Variants in GUCY2F observed in about 807,000 individuals in gnomAD.
GUCY2F encodes the protein guanylate cyclase 2F, retinal.
Under a neutral mutation model 73.1 loss-of-function variants are expected in GUCY2F, and 61 were observed. That is an observed-to-expected ratio of 0.83 (90% CI 0.68 to 1.03). The LOEUF is 1.03. GUCY2F is among the 50% of genes least tolerant of loss of function. The pLI, the probability that GUCY2F is intolerant of heterozygous loss-of-function variation, is 0.00. For synonymous variants in GUCY2F, 331 were observed against 307.8 expected (o/e 1.08, Z -0.79); for missense variants, 912 against 854.3 (o/e 1.07, Z -0.84).
chrX:109,435,200 C>G (rs1414211830), intron 7 of GUCY2F, among the ~76,000 whole-genome samples: 1 of 111,133 alleles, frequency 9.0e-6, no homozygotes, highest in African/African-American at 3.3e-5. Flanking sequence ...GGCATTGAAT[C>G]TATAAATTAC....
intron 7 of GUCY2F, among the ~76,000 whole-genome samples, chrX:109,440,407 A>G (rs1931842002): frequency 8.9e-6 from 1 of 112,210 alleles, no homozygotes; most frequent in Non-Finnish European, 1.9e-5. Context: ...TTAAGTTTCA[A>G]CACCTGAATT....
Position 109,388,585 on chromosome X carries a change from C to T in GUCY2F, c.2860G>A (p.Ala954Thr). The change falls in exon 15 of 20, where the codon GCA becomes ACA. Residue 954 changes from alanine to threonine, a missense_variant. Ala to Thr is a moderately conservative substitution (Grantham distance 58). Transcript: ENST00000218006. ...CTCAGGATATCTAAGGACATGTTTGCAATCTCAGCTGCATGCCTACTGCCA... is the reference window on the plus strand; with the variant it reads ...CTCAGGATATCTAAGGACATGTTTGTAATCTCAGCTGCATGCCTACTGCCA... Reference protein sequence around the residue: ...RNGSRHAAEIANMSLDILSSV... With the variant: ...RNGSRHAAEITNMSLDILSSV... 1 of 1,198,668 alleles carries T rather than the reference C, an allele frequency of 8.3e-7. No individual in the cohort carries two copies. Among genetic ancestry groups the T allele is most frequent in the Admixed American group, 2.2e-5 (1 of 46,044 alleles).
At chrX:109,443,365 G>C (rs2300120) in intron 6 of GUCY2F, among the ~76,000 whole-genome samples, 6,444 of 111,005 alleles carry the variant, frequency 0.058, 428 homozygotes, top group African/African-American at 0.19. Context: ...TCCCTTATAA[G>C]AGTATACCAA....
At chrX:109,413,333 G>A (rs1931157509) in intron 8 of GUCY2F, among the ~76,000 whole-genome samples, 1 of 111,777 alleles carries the variant, frequency 8.9e-6, no homozygotes, top group Non-Finnish European at 1.9e-5. Flanking sequence ...TATCTGGCTG[G>A]CTACCATCAA....
At chrX:109,383,645 C>T (rs963675830) in intron 16 of GUCY2F, among the ~76,000 whole-genome samples, 4 of 111,900 alleles carry the variant, frequency 3.6e-5, no homozygotes, top group Non-Finnish European at 5.6e-5. Context: ...AGAGAGCACA[C>T]GCGTATACTT....
chrX:109,424,120 G>A (rs1468892402), intron 8 of GUCY2F, among the ~76,000 whole-genome samples: 3 of 111,958 alleles, frequency 2.7e-5, no homozygotes, highest in Non-Finnish European at 5.6e-5. Context: ...GTGCCAATAA[G>A]TTTGATAACA....
In GUCY2F at chrX:109,409,175, A is replaced by G. The variant is rs746885579; in HGVS notation, c.1792-7T>C. Reference sequence around the variant, plus strand: ...CATGACGCAAGTCCTTCATCTGGAAATGAGAGACAGAAATGAGAGTCACAG... The same window carrying G: ...CATGACGCAAGTCCTTCATCTGGAAGTGAGAGACAGAAATGAGAGTCACAG... On this transcript the variant is annotated splice_region_variant and splice_polypyrimidine_tract_variant and intron_variant, in intron 8 of 19. Coordinates refer to ENST00000218006, the MANE Select transcript of GUCY2F (RefSeq NM_001522.3). 5.8e-6 allele frequency: 6 copies of G among 1,037,389 alleles called. No homozygotes were observed. Among genetic ancestry groups the G allele is most frequent in the Non-Finnish European group, 8.1e-6 (6 of 739,443 alleles). The allele number at this position is 1,037,389 out of a possible 1,213,427, so 85.5% of individuals were successfully genotyped here.
intron 1 of GUCY2F, among the ~76,000 whole-genome samples, chrX:109,476,897 C>T (rs184792886): frequency 1.1e-3 from 116 of 110,112 alleles, no homozygotes; most frequent in Admixed American, 5.4e-3. Context: ...TCTTAGAATT[C>T]TAAAGCATTT....
intron 8 of GUCY2F, among the ~76,000 whole-genome samples, chrX:109,422,218 A>G (rs1231289425): frequency 8.9e-6 from 1 of 111,893 alleles, no homozygotes; most frequent in Non-Finnish European, 1.9e-5. Flanking sequence ...ATTTTATTTT[A>G]TGTTGATTAT....
chrX:109,445,637 G>C (rs1481507347), intron 6 of GUCY2F, among the ~76,000 whole-genome samples: 2 of 111,534 alleles, frequency 1.8e-5, no homozygotes, highest in African/African-American at 6.5e-5. Flanking sequence ...AATAATAAGA[G>C]CTATTTATGA....
chrX:109,375,622 G>A (rs1379092009), intron 19 of GUCY2F, among the ~76,000 whole-genome samples: 1 of 112,281 alleles, frequency 8.9e-6, no homozygotes, highest in East Asian at 2.8e-4. Flanking sequence ...TAATTGGATA[G>A]CAAGGCCAGC....
At chrX:109,395,081 T>C (rs1930669941) in intron 12 of GUCY2F, among the ~76,000 whole-genome samples, 1 of 111,330 alleles carries the variant, frequency 9.0e-6, no homozygotes, top group African/African-American at 3.3e-5. Flanking sequence ...GTTGATCAGG[T>C]CAGATTGTGG....
intron 12 of GUCY2F, among the ~76,000 whole-genome samples, chrX:109,393,719 A>AT (rs1930631183): frequency 8.9e-6 from 1 of 111,792 alleles, no homozygotes; most frequent in African/African-American, 3.3e-5. Context: ...CATGTCACAA[A>AT]TTTTCAATAC....
intron 2 of GUCY2F, among the ~76,000 whole-genome samples, chrX:109,470,531 G>C (rs780271954): frequency 4.5e-5 from 5 of 111,429 alleles, no homozygotes; most frequent in Non-Finnish European, 9.4e-5. Flanking sequence ...AAGGTGGAAG[G>C]GCTGAATTAT....
At chrX:109,413,924 T>C (rs1931175151) in intron 8 of GUCY2F, among the ~76,000 whole-genome samples, 1 of 110,872 alleles carries the variant, frequency 9.0e-6, no homozygotes, top group East Asian at 2.8e-4. Flanking sequence ...AATTGCTGTC[T>C]ATTTTGACAA....
chrX:109,456,643 G>A (rs1001258194), intron 3 of GUCY2F, among the ~76,000 whole-genome samples: 1 of 111,315 alleles, frequency 9.0e-6, no homozygotes, highest in Non-Finnish European at 1.9e-5. Context: ...CTCTAGCCTA[G>A]ACAACACATG....
intron 14 of GUCY2F, 40 bp from the exon 15 acceptor site, chrX:109,388,703 T>G: frequency 1.0e-6 from 1 of 979,790 alleles, no homozygotes; most frequent in Non-Finnish European, 1.5e-6. Flanking sequence ...ACAACTTATT[T>G]GTGCTTCTTT....
intron 19 of GUCY2F, among the ~76,000 whole-genome samples, chrX:109,374,353 T>C (rs970378180): frequency 9.8e-5 from 11 of 111,873 alleles, no homozygotes; most frequent in African/African-American, 3.2e-4. Context: ...GTGGCTTCAA[T>C]CTGTTCCATA....
At chrX:109,444,766 A>G (rs923254360) in intron 6 of GUCY2F, among the ~76,000 whole-genome samples, 1 of 112,002 alleles carries the variant, frequency 8.9e-6, no homozygotes, top group African/African-American at 3.2e-5. Context: ...AAACGCAACT[A>G]CTACTGAGTT....
Sources: gnomAD v4.1 joint callset for allele counts (sites outside exome capture counted in the v4.1 genomes callset) on GRCh38, gnomAD v4.1.1 for gene constraint, MANE v1.5 for transcripts, NCBI Gene and HGNC (gene_info 2026-07-23, HGNC 2026-07-21) for gene names.